FBXL5: variants seen among roughly 807,000 people sequenced by gnomAD.
The protein encoded by FBXL5 is F-box/LRR-repeat protein 5.
Under a neutral mutation model 78.3 loss-of-function variants are expected in FBXL5, and 26 were observed. The ratio of observed to expected loss-of-function variants is 0.33; its 90% CI spans 0.24 to 0.46. The LOEUF (loss-of-function observed/expected upper bound fraction) is 0.46. FBXL5 is among the 20% of genes least tolerant of loss of function. FBXL5 has a pLI of 1.00. For synonymous variants in FBXL5, 295 were observed against 282.5 expected (o/e 1.04, Z -0.45); for missense variants, 710 against 829.2 (o/e 0.86, Z 1.77).
intron 1 of FBXL5, among the ~76,000 whole-genome samples, chr4:15,674,290 G>A (rs1008623160): frequency 1.3e-5 from 2 of 150,826 alleles, no homozygotes; most frequent in Non-Finnish European, 1.5e-5. Context: ...ATTGCTAAGT[G>A]GCATGAATGT....
intron 9 of FBXL5, among the ~76,000 whole-genome samples, chr4:15,614,908 G>A (rs1711622345): frequency 6.6e-6 from 1 of 152,188 alleles, no homozygotes; most frequent in Non-Finnish European, 1.5e-5. Flanking sequence ...GCAGGGAGGT[G>A]TAGAGGGACA....
At chr4:15,630,831 T>C (rs781327962) in intron 5 of FBXL5, 40 bp from the exon 6 acceptor site, 3 of 1,598,358 alleles carry the variant, frequency 1.9e-6, no homozygotes, top group Admixed American at 3.4e-5. Flanking sequence ...CAAAATAATA[T>C]CAGATTGCCT....
intron 9 of FBXL5, among the ~76,000 whole-genome samples, chr4:15,614,840 C>A (rs368354680): frequency 6.6e-6 from 1 of 152,206 alleles, no homozygotes. Flanking sequence ...CAGCCCACCA[C>A]TGCACTGTGG....
At chr4:15,643,018 CAT>C (rs1453372807) in intron 2 of FBXL5, among the ~76,000 whole-genome samples, 1 of 152,086 alleles carries the variant, frequency 6.6e-6, no homozygotes, top group African/African-American at 2.4e-5. Flanking sequence ...TTCTACTAGT[CAT>C]GACTTTAGTT....
At chr4:15,632,448 A>G (rs1713774861) in intron 5 of FBXL5, among the ~76,000 whole-genome samples, 1 of 152,172 alleles carries the variant, frequency 6.6e-6, no homozygotes, top group East Asian at 1.9e-4. Context: ...CAATTCTGTG[A>G]AGAAAGCCAT....
Position 15,605,661 on chromosome 4 carries a change from T to C in FBXL5, c.*62A>G. On this transcript the variant is annotated 3_prime_UTR_variant, in exon 11 of 11. Transcript: ENST00000341285. ...GTTAACACAAGAAATGTGCTATGAG[T>C]AAAGTGCATGAAAGAAAGCCTGCTC... 7.1e-7 allele frequency: 1 copy of C among 1,405,630 alleles called. No individual in the cohort carries two copies. The highest frequency in any genetic ancestry group is 1.0e-6 in the Non-Finnish European group (1 of 996,182). The allele number at this position is 1,405,630 out of a possible 1,614,324, so 87.1% of individuals were successfully genotyped here.
chr4:15,635,346 TG>T (rs1714145455), intron 5 of FBXL5, among the ~76,000 whole-genome samples: 1 of 148,460 alleles, frequency 6.7e-6, no homozygotes, highest in Non-Finnish European at 1.5e-5. Context: ...AAAAAAAAAG[TG>T]CTATACATTA....
In FBXL5 at chr4:15,638,144, GGAT is replaced by G. The variant is rs371270030; in HGVS notation, c.583+361_583+363del. The stretch of plus-strand genomic sequence containing the variant: ...TATGGTCAATAAAGCTCAGGAAGCA[GGAT>G]GATATCGCAAAAGTGCTCTGTGTAA... On this transcript the variant is annotated intron_variant, in intron 4 of 10. Coordinates refer to ENST00000341285, the MANE Select transcript of FBXL5 (RefSeq NM_012161.4). Among the ~76,000 whole-genome samples, 390 of 152,300 alleles carry G rather than the reference GGAT, an allele frequency of 2.6e-3. 3 individuals are homozygous for G. Among genetic ancestry groups the G allele is most frequent in the African/African-American group, 8.9e-3 (369 of 41,566 alleles).
chr4:15,656,412 A>G, upstream of FBXL5: 1 of 409,602 alleles, frequency 2.4e-6, no homozygotes, highest in Non-Finnish European at 4.9e-6. Context: ...TATTTGCTTA[A>G]TGGCCAGAAC....
At chr4:15,649,338 G>C (rs1715681716) in intron 1 of FBXL5, among the ~76,000 whole-genome samples, 1 of 152,170 alleles carries the variant, frequency 6.6e-6, no homozygotes, top group African/African-American at 2.4e-5. Flanking sequence ...CCAGCACTTT[G>C]GGAGGCCGAG....
chr4:15,637,777 A>G (rs944478468), intron 4 of FBXL5, among the ~76,000 whole-genome samples: 12 of 152,164 alleles, frequency 7.9e-5, no homozygotes, highest in African/African-American at 2.7e-4. Context: ...CTACTTTGTT[A>G]AATAAAAATA....
chr4:15,660,631 C>T (rs916043395), upstream of FBXL5, among the ~76,000 whole-genome samples: 1 of 152,216 alleles, frequency 6.6e-6, no homozygotes, highest in African/African-American at 2.4e-5. Flanking sequence ...GCCTTCATTT[C>T]CTCGACTGTA....
chr4:15,631,000 T>C lies in FBXL5; in HGVS notation c.767-209A>G, dbSNP rs377177185. On this transcript the variant is annotated intron_variant, in intron 5 of 10. Coordinates refer to ENST00000341285, the MANE Select transcript of FBXL5 (RefSeq NM_012161.4). ...GTTACATAGGTATATATGTGCCATG[T>C]TGGTTTGCTGCACCCATCAACTCAT... Among the ~76,000 whole-genome samples, 7 of 152,324 alleles carry C rather than the reference T, an allele frequency of 4.6e-5. No individual in the cohort carries two copies. In the South Asian group the frequency reaches 1.0e-3, roughly 23 times the overall value.
upstream of FBXL5, among the ~76,000 whole-genome samples, chr4:15,660,651 T>G (rs138510215): frequency 2.9e-3 from 440 of 152,308 alleles, 6 homozygotes; most frequent in African/African-American, 0.01. Flanking sequence ...AAAGACTTGG[T>G]CTGGGACACT....
At chr4:15,606,669 TAAG>T (rs1189830023) in intron 10 of FBXL5, among the ~76,000 whole-genome samples, 1 of 152,186 alleles carries the variant, frequency 6.6e-6, no homozygotes, top group Non-Finnish European at 1.5e-5. Context: ...CATGAACAAA[TAAG>T]GAGTAGTTAA....
intron 10 of FBXL5, among the ~76,000 whole-genome samples, chr4:15,610,360 C>T (rs972327345): frequency 6.6e-6 from 1 of 152,062 alleles, no homozygotes; most frequent in Non-Finnish European, 1.5e-5. Context: ...TAAAGGCTTT[C>T]CATTCCCCCA....
chr4:15,636,262 C>A (rs141449882), intron 5 of FBXL5: 26 of 374,330 alleles, frequency 6.9e-5, no homozygotes, highest in African/African-American at 5.2e-4. Context: ...TGCATCCCCT[C>A]CCACAAATAT....
chr4:15,638,717 G>C (rs377172431), intron 3 of FBXL5, 23 bp from the exon 4 acceptor site: 1 of 1,438,182 alleles, frequency 7.0e-7, no homozygotes, highest in Non-Finnish European at 9.6e-7. Context: ...AAATATTCAC[G>C]AGGAAAGATG....
At chr4:15,677,248 T>C (rs370365497) in intron 1 of FBXL5, among the ~76,000 whole-genome samples, 3 of 152,240 alleles carry the variant, frequency 2.0e-5, no homozygotes, top group Middle Eastern at 3.2e-3. Context: ...GTTCGTCTTA[T>C]TACTCTTCTG....
Sources: allele counts gnomAD v4.1 joint callset (sites outside exome capture counted in the v4.1 genomes callset), GRCh38; gene constraint gnomAD v4.1.1; transcripts MANE v1.5; gene names NCBI Gene and HGNC (gene_info 2026-07-23, HGNC 2026-07-21).